The following SFTPB variants were observed in gnomAD, a reference collection of about 807,000 sequenced individuals.
SFTPB encodes the protein pulmonary surfactant-associated protein B.
Under a neutral mutation model 51.0 loss-of-function variants are expected in SFTPB, and 32 were observed. The ratio of observed to expected loss-of-function variants is 0.63; its 90% CI spans 0.47 to 0.84. The LOEUF (loss-of-function observed/expected upper bound fraction) is 0.84. Ranked by LOEUF, SFTPB falls within the 40% of genes least tolerant of loss-of-function variation. The probability of loss-of-function intolerance (pLI) is 0.00; values close to 1 mark genes in which losing one functional copy is unlikely to be tolerated. For missense variants in SFTPB, 431 were observed against 491.2 expected, an observed-to-expected ratio of 0.88 and a Z score of 1.16; for synonymous variants, 211 against 208.5, an observed-to-expected ratio of 1.01 and a Z score of -0.10.
chr2:85,664,865 G>A (rs990304808), intron 6 of SFTPB, among the ~76,000 whole-genome samples: 7 of 152,228 alleles, frequency 4.6e-5, no homozygotes, highest in Non-Finnish European at 1.5e-5. Flanking sequence ...GCCACTGCAG[G>A]TCTGGAAGAC....
At position 85,666,656 on chromosome 2, in the gene SFTPB, G is replaced by A; in HGVS notation, c.354C>T (p.Asp118=). 1.2e-6 allele frequency: 2 copies of A among 1,613,816 alleles called. No individual in the cohort carries two copies. Among genetic ancestry groups the A allele is most frequent in the Middle Eastern group, 1.7e-4 (1 of 6,058 alleles). The change falls in exon 4 of 11, where the codon GAC becomes GAT. Residue 118 remains aspartate (D), a synonymous_variant. Transcript: ENST00000519937. ...LMPQCNQVLD[D]YFPLVIDYFQ... ...AGTAGTCGATGACCAGGGGGAAGTA[G>A]TCGTCAAGCACTTGGTTGCACTGGG...
At chr2:85,662,703 TG>T (rs1283830157) in intron 8 of SFTPB, among the ~76,000 whole-genome samples, 1 of 151,924 alleles carries the variant, frequency 6.6e-6, no homozygotes, top group Non-Finnish European at 1.5e-5. Flanking sequence ...TAGCCGGGCC[TG>T]GTAGCACATG....
intron 8 of SFTPB, chr2:85,662,394 A>G: frequency 1.1e-6 from 1 of 922,470 alleles, no homozygotes; most frequent in South Asian, 1.9e-5. Flanking sequence ...TTTCAGTTCT[A>G]GAAGGAAACT....
intron 10 of SFTPB, among the ~76,000 whole-genome samples, chr2:85,660,227 A>G (rs1398658247): frequency 6.0e-5 from 9 of 149,504 alleles, no homozygotes; most frequent in East Asian, 2.0e-4. Flanking sequence ...GGTTCAAGCA[A>G]TTCTCCTCCT....
chr2:85,664,525 C>T (rs530006867), intron 6 of SFTPB, among the ~76,000 whole-genome samples: 9 of 152,250 alleles, frequency 5.9e-5, no homozygotes, highest in Non-Finnish European at 1.3e-4. Context: ...AGTACAGTGG[C>T]GTGATGTCGG....
At chr2:85,660,203 A>G (rs1677216497) in intron 10 of SFTPB, among the ~76,000 whole-genome samples, 1 of 150,478 alleles carries the variant, frequency 6.6e-6, no homozygotes, top group African/African-American at 2.5e-5. Flanking sequence ...GCTCGCTGCA[A>G]TCTCCGCCTC....
At chr2:85,664,499 C>CT (rs1210626611) in intron 6 of SFTPB, among the ~76,000 whole-genome samples, 1 of 152,136 alleles carries the variant, frequency 6.6e-6, no homozygotes, top group African/African-American at 2.4e-5. Flanking sequence ...GAGTCTTGCT[C>CT]TGTCACCCAG....
At chr2:85,663,527 G>A (rs45520240) in intron 7 of SFTPB, 36 bp from the exon 8 acceptor site, 7 of 1,611,818 alleles carry the variant, frequency 4.3e-6, no homozygotes, top group Middle Eastern at 1.7e-4. Flanking sequence ...AGCAGGCAAG[G>A]CCACCCTACA....
chr2:85,665,290 T>C lies in SFTPB; in HGVS notation c.671A>G (p.Lys224Arg), dbSNP rs999324155. The C allele has an allele frequency of 1.9e-6, 3 of 1,613,196 alleles. No homozygotes were observed. The highest frequency in any genetic ancestry group is 1.7e-4 in the Middle Eastern group (1 of 6,054). ...LIKRIQAMIPKGALAVAVAQV... is the reference protein window; with the variant it reads ...LIKRIQAMIPRGALAVAVAQV... Reference sequence around the variant, plus strand: ...TCTGTGAGGCCCTGGATGCCTCACCTTGGGAATCATGGCTTGGATCCGCTT... The same window carrying C: ...TCTGTGAGGCCCTGGATGCCTCACCCTGGGAATCATGGCTTGGATCCGCTT... Residue 224 changes from lysine (K) to arginine (R), a missense_variant and splice_region_variant, in exon 6 of 11, where the codon AAG (lysine) becomes AGG (arginine). Lys to Arg is a conservative substitution (Grantham distance 26). Coordinates refer to ENST00000519937, the MANE Select transcript of SFTPB (RefSeq NM_000542.5).
chr2:85,662,025 G>C lies in SFTPB; in HGVS notation c.1083+4C>G. ...CTAGGACCAACTGGGAGGGGTGGGT[G>C]TACCTGGCAGGTGGTGTGGGCATCC... On this transcript the variant is annotated splice_donor_region_variant and intron_variant, in intron 9 of 10. Transcript: ENST00000519937. 1 of 1,594,326 alleles carries C rather than the reference G, an allele frequency of 6.3e-7. No individual in the cohort carries two copies. The highest frequency in any genetic ancestry group is 8.5e-7 in the Non-Finnish European group (1 of 1,172,274).
Position 85,665,703 on chromosome 2 carries a change from T to G in SFTPB, c.485A>C (p.Lys162Thr), listed in dbSNP as rs781094026. ...GTCTGGCAGAGGGTCCCGCAGAGGT[T>G]TGGGCAGGGGGTCTGACATCCCTGG... ...QEPGMSDPLP[K>T]PLRDPLPDPL... The change falls in exon 5 of 11, where the codon AAA becomes ACA. Residue 162 changes from lysine (K) to threonine (T), a missense_variant. Lys to Thr is a moderately conservative substitution (Grantham distance 78). Transcript: ENST00000519937. 1 of 1,614,152 alleles carries G rather than the reference T, an allele frequency of 6.2e-7. No individual in the cohort carries two copies. Among genetic ancestry groups the G allele is most frequent in the South Asian group, 1.1e-5 (1 of 91,078 alleles).
chr2:85,662,033 C>G lies in SFTPB; in HGVS notation c.1079G>C (p.Cys360Ser). Residue 360 changes from cysteine (C) to serine (S), a missense_variant, in exon 9 of 11, where the codon TGC (cysteine) becomes TCC (serine). Transcript: ENST00000519937. ...AACTGGGAGGGGTGGGTGTACCTGG[C>G]AGGTGGTGTGGGCATCCCAGCCCCT... is the stretch of plus-strand genomic sequence containing the variant. ...VPRGWDAHTT[C>S]QALGVCGTMS... is the part of the protein sequence containing the mutation. 1 of 1,596,662 alleles carries G rather than the reference C, an allele frequency of 6.3e-7. No homozygotes were observed. Among genetic ancestry groups the G allele is most frequent in the African/African-American group, 1.3e-5 (1 of 74,958 alleles).
chr2:85,665,754 G>A lies in SFTPB; in HGVS notation c.434C>T (p.Ser145Phe), dbSNP rs2104408769. The A allele has an allele frequency of 1.2e-6, 2 of 1,614,116 alleles. No homozygotes were observed. Among genetic ancestry groups the A allele is most frequent in the East Asian group, 4.5e-5 (2 of 44,888 alleles). ...CTCCTGCTCTGGCTCTGGCTGCCGG[G>A]ATTTGCACAGGCCCAGGTGCATACA... Reference protein sequence around the residue: ...GICMHLGLCKSRQPEPEQEPG... With the variant: ...GICMHLGLCKFRQPEPEQEPG... Residue 145 changes from serine to phenylalanine, a missense_variant, in exon 5 of 11, where the codon TCC becomes TTC. Transcript: ENST00000519937.
Position 85,659,455 on chromosome 2 carries a change from A to G in SFTPB, c.*247T>C, listed in dbSNP as rs1677185681. 6.6e-6 allele frequency: 1 copy of G among 152,198 alleles called. No individual in the cohort carries two copies. The highest frequency in any genetic ancestry group is 2.4e-5 in the African/African-American group (1 of 41,426). The allele number at this position is 152,198 out of a possible 1,614,324, so 9.4% of individuals were successfully genotyped here. A position where few individuals can be genotyped will look rare whatever the true frequency, so the allele number is the denominator to read the frequency against. ...TGTGCCTCACACCAGAGAGGATGGA[A>G]GTGGGCTCTGGTGTCAGACTGTGGT... On this transcript the variant is annotated 3_prime_UTR_variant, in exon 11 of 11. Coordinates refer to ENST00000519937, the MANE Select transcript of SFTPB (RefSeq NM_000542.5).
rs1400532163 is a variant in SFTPB, at chr2:85,666,448, C to T, written c.393+169G>A. 1,401 of 503,180 alleles carry T rather than the reference C, an allele frequency of 2.8e-3. 15 individuals are homozygous for T. The highest frequency in any genetic ancestry group is 5.7e-3 in the South Asian group (299 of 52,218). 31.2% of individuals were successfully genotyped at this position (503,180 alleles called of 1,614,324 possible). ...TTGTGTGTGTGTGTGTGTGTGTGTC[C>T]GGCTGGCTGGGGTGCTGTGTGTTTG... On this transcript the variant is annotated intron_variant, in intron 4 of 10. Coordinates refer to ENST00000519937, the MANE Select transcript of SFTPB (RefSeq NM_000542.5).
intron 9 of SFTPB, 145 bp downstream of exon 9, chr2:85,661,884 G>T (rs1266569557): frequency 4.2e-6 from 3 of 710,018 alleles, no homozygotes; most frequent in Non-Finnish European, 7.2e-6. Flanking sequence ...CTGAAACAGA[G>T]AGGGGTGCCT....
rs3024796 is a variant in SFTPB, at chr2:85,667,573, T to C, written c.195+106A>G. 2.0e-4 allele frequency: 286 copies of C among 1,401,918 alleles called. 1 individual carries two copies. The African/African-American group carries it at 2.8e-3, about 14-fold the overall frequency. The allele number at this position is 1,401,918 out of a possible 1,614,324, so 86.8% of individuals were successfully genotyped here. ...TCATTTCATCTCATCCCATTTCATCTCATCCATCCCCTATGGGGGCTCCAC... is the reference window on the plus strand; with the variant it reads ...TCATTTCATCTCATCCCATTTCATCCCATCCATCCCCTATGGGGGCTCCAC... On this transcript the variant is annotated intron_variant, in intron 2 of 10. Transcript: ENST00000519937.
chr2:85,662,097 CA>C lies in SFTPB; in HGVS notation c.1014del (p.Phe338LeufsTer10). The C allele has an allele frequency of 6.2e-7, 1 of 1,601,460 alleles. No individual in the cohort carries two copies. Among genetic ancestry groups the C allele is most frequent in the Non-Finnish European group, 8.5e-7 (1 of 1,175,414 alleles). On this transcript the variant is annotated frameshift_variant, in exon 9 of 11. Coordinates refer to ENST00000519937, the MANE Select transcript of SFTPB (RefSeq NM_000542.5). LOFTEE classifies it high-confidence loss of function. ...AGCAGCTGGGGCGTGTGCTGCTCCA[CA>C]AATTGCTTGCACTGAGGAAGGAGAC... ...SWLDREKCKQ[F>X]VEQHTPQLLT...
intron 10 of SFTPB, 94 bp downstream of exon 10, chr2:85,661,360 C>T (rs995154388): frequency 1.7e-5 from 15 of 870,648 alleles, no homozygotes; most frequent in East Asian, 1.1e-4. Context: ...CAGGAGTGGC[C>T]GCCTCTTCCT....
Sources: allele counts gnomAD v4.1 joint callset (sites outside exome capture counted in the v4.1 genomes callset), GRCh38; gene constraint gnomAD v4.1.1; transcripts MANE v1.5; gene names NCBI Gene and HGNC (gene_info 2026-07-23, HGNC 2026-07-21).